Variants in IRF2 observed in about 807,000 individuals in gnomAD.
IRF2 encodes interferon regulatory factor 2.
A neutral mutation model predicts 40.6 loss-of-function variants in IRF2; 15 were observed. That is an observed-to-expected ratio of 0.37 (90% CI 0.25 to 0.57). The LOEUF (loss-of-function observed/expected upper bound fraction) is 0.57. Ranked by LOEUF, IRF2 falls within the 20% of genes least tolerant of loss-of-function variation. The pLI is 0.77. For missense variants in IRF2, 317 were observed against 455.7 expected, an observed-to-expected ratio of 0.70 and a Z score of 2.77; for synonymous variants, 151 against 165.5, an observed-to-expected ratio of 0.91 and a Z score of 0.67.
chr4:184,426,384 G>A (rs1418553216), intron 2 of IRF2, among the ~76,000 whole-genome samples: 1 of 152,110 alleles, frequency 6.6e-6, no homozygotes, highest in Non-Finnish European at 1.5e-5. Flanking sequence ...CCTCGGCTGC[G>A]GCTGCCTATT....
chr4:184,468,552 G>T (rs1266511853), intron 1 of IRF2, among the ~76,000 whole-genome samples: 1 of 152,184 alleles, frequency 6.6e-6, no homozygotes, highest in Non-Finnish European at 1.5e-5. Context: ...TTTCTGTATG[G>T]CAAGCAAGGG....
chr4:184,401,574 G>A lies in IRF2; in HGVS notation c.530-2495C>T, dbSNP rs542920502. Among the ~76,000 whole-genome samples, 4 of 152,286 alleles carry A rather than the reference G, an allele frequency of 2.6e-5. No homozygotes were observed. The South Asian group carries it at 8.3e-4, about 32-fold the overall frequency. ...ACGTGAGGGTGAGGACATCAATTAT[G>A]CAGGTCACTAGACACAGACTGACGC... On this transcript the variant is annotated intron_variant, in intron 6 of 8. Transcript: ENST00000393593.
chr4:184,461,152 GA>G (rs1180476291), intron 1 of IRF2, among the ~76,000 whole-genome samples: 2 of 152,174 alleles, frequency 1.3e-5, no homozygotes, highest in East Asian at 3.8e-4. Context: ...AGAGAGGGGA[GA>G]TAATTATCAG....
intron 1 of IRF2, among the ~76,000 whole-genome samples, chr4:184,460,182 A>G (rs1193050612): frequency 6.6e-6 from 1 of 152,236 alleles, no homozygotes; most frequent in African/African-American, 2.4e-5. Flanking sequence ...ATGCTACAAC[A>G]TGGGTGGACC....
In IRF2 at chr4:184,413,785, C is replaced by T. The variant is rs780443863; in HGVS notation, c.411+4382G>A. On this transcript the variant is annotated intron_variant, in intron 5 of 8. Transcript: ENST00000393593. This position sits in a 1 kb window ranked among gnomAD's most constrained non-coding sequence, Gnocchi z 4.2. ...TATGTTTCAGCTGCAAACAACCCTC[C>T]GAAGCAGGAAGTACCCATTTCTATT... Among the ~76,000 whole-genome samples the T allele has an allele frequency of 2.0e-5, 3 of 152,206 alleles. No individual in the cohort carries two copies. The highest frequency in any genetic ancestry group is 2.1e-4 in the South Asian group (1 of 4,830).
intron 1 of IRF2, chr4:184,449,053 G>A (rs793782): frequency 6.6e-6 from 1 of 152,444 alleles, no homozygotes; most frequent in South Asian, 2.1e-4. Context: ...CTCCCACACT[G>A]AGAACAGAAA....
intron 1 of IRF2, among the ~76,000 whole-genome samples, chr4:184,471,274 G>A (rs1467792217): frequency 6.6e-6 from 1 of 152,074 alleles, no homozygotes; most frequent in Admixed American, 6.6e-5. Context: ...CCTCCTTACA[G>A]CTAACCCCAA....
At chr4:184,432,466 A>G (rs1737922511) in intron 1 of IRF2, among the ~76,000 whole-genome samples, 1 of 152,256 alleles carries the variant, frequency 6.6e-6, no homozygotes, top group Non-Finnish European at 1.5e-5. Context: ...CGGGTTCCTA[A>G]GAACCAGAAG....
At position 184,388,650 on chromosome 4, in the gene IRF2, T is replaced by G. The variant is rs1736139054; in HGVS notation, c.*108A>C. 8.6e-7 allele frequency: 1 copy of G among 1,165,188 alleles called. No homozygotes were observed. The highest frequency in any genetic ancestry group is 1.2e-6 in the Non-Finnish European group (1 of 816,182). The allele number at this position is 1,165,188 out of a possible 1,614,324, so 72.2% of individuals were successfully genotyped here. On this transcript the variant is annotated 3_prime_UTR_variant, in exon 9 of 9. Transcript: ENST00000393593. This position sits in a 1 kb window ranked among gnomAD's most constrained non-coding sequence, Gnocchi z 4.6. ...ATCAATGTTCTATTGTCAAGGCTTT[T>G]TCCCTTAGATTTGTCTAAAATAGGT... is the stretch of plus-strand genomic sequence containing the variant.
chr4:184,411,523 A>C (rs543637238), intron 5 of IRF2, among the ~76,000 whole-genome samples: 1 of 152,194 alleles, frequency 6.6e-6, no homozygotes, highest in East Asian at 1.9e-4. Flanking sequence ...AGTGCCAATC[A>C]TCTCACTGAC....
intron 5 of IRF2, among the ~76,000 whole-genome samples, chr4:184,414,101 T>C (rs1380399520): frequency 1.3e-5 from 2 of 152,196 alleles, no homozygotes; most frequent in African/African-American, 4.8e-5. Context: ...TGCACCCATT[T>C]CCTAAATGTA....
intron 1 of IRF2, among the ~76,000 whole-genome samples, chr4:184,459,303 GC>G (rs1739050545): frequency 6.6e-6 from 1 of 152,104 alleles, no homozygotes; most frequent in Non-Finnish European, 1.5e-5. Flanking sequence ...ATTATTTACT[GC>G]ACAGTTCAAC....
intron 3 of IRF2, among the ~76,000 whole-genome samples, chr4:184,418,922 A>G (rs1737378703): frequency 6.6e-6 from 1 of 152,184 alleles, no homozygotes; most frequent in Non-Finnish European, 1.5e-5. Context: ...GTTCCAGTCA[A>G]ACTGGGACAA....
intron 1 of IRF2, among the ~76,000 whole-genome samples, chr4:184,451,164 T>G (rs1034607957): frequency 1.3e-5 from 2 of 152,156 alleles, no homozygotes; most frequent in African/African-American, 4.8e-5. Context: ...GGCACATACT[T>G]CCTCATGAAA....
intron 5 of IRF2, among the ~76,000 whole-genome samples, chr4:184,416,990 G>A (rs919353565): frequency 3.8e-4 from 58 of 152,292 alleles, no homozygotes; most frequent in African/African-American, 1.4e-3. Flanking sequence ...AGGTTGCAAT[G>A]AGCCAAGATC....
At chr4:184,450,955 CTGGTGCAAACCGAAAAG>C (rs1175785782) in intron 1 of IRF2, among the ~76,000 whole-genome samples, 25 of 152,244 alleles carry the variant, frequency 1.6e-4, no homozygotes, top group Non-Finnish European at 3.4e-4. Context: ...CACGGAAGCC[CTGGTGCAAACCGAAAAG>C]ACTAAATACC....
intron 1 of IRF2, among the ~76,000 whole-genome samples, chr4:184,441,773 A>C (rs1473221290): frequency 6.6e-6 from 1 of 152,194 alleles, no homozygotes; most frequent in Non-Finnish European, 1.5e-5. Context: ...GGATAAGCTC[A>C]CCTGATTCAC....
chr4:184,388,630 T>C lies in IRF2; in HGVS notation c.*128A>G, dbSNP rs1736138356. On this transcript the variant is annotated 3_prime_UTR_variant, in exon 9 of 9. Transcript: ENST00000393593. This position sits in a 1 kb window ranked among gnomAD's most constrained non-coding sequence, Gnocchi z 4.6. The stretch of plus-strand genomic sequence containing the variant: ...TACTGGAGTTGGACACAGCAATCAA[T>C]GTTCTATTGTCAAGGCTTTTTCCCT... The C allele has an allele frequency of 1.1e-6, 1 of 936,560 alleles. No individual in the cohort carries two copies. The highest frequency in any genetic ancestry group is 1.7e-5 in the African/African-American group (1 of 60,356). 58.0% of individuals were successfully genotyped at this position (936,560 alleles called of 1,614,324 possible).
intron 1 of IRF2, chr4:184,472,221 C>T (rs1038196875): frequency 1.3e-5 from 2 of 152,166 alleles, no homozygotes; most frequent in Non-Finnish European, 2.9e-5. Flanking sequence ...CCTTCTCCCA[C>T]TAAAAGAAGA....
Sources: gnomAD v4.1 joint callset for allele counts (sites outside exome capture counted in the v4.1 genomes callset) on GRCh38, gnomAD v4.1.1 for gene constraint, Gnocchi (gnomAD v3.1) non-coding constraint, MANE v1.5 for transcripts, NCBI Gene and HGNC (gene_info 2026-07-23, HGNC 2026-07-21) for gene names.